The following TTC6 variants were observed in gnomAD, a reference collection of about 807,000 sequenced individuals.
TTC6 encodes tetratricopeptide repeat domain 6.
TTC6 carries 172 observed loss-of-function variants against 210.4 expected under a neutral mutation model. That is an observed-to-expected ratio of 0.82 (90% CI 0.72 to 0.93). TTC6 has a LOEUF of 0.93. Among genes scored for constraint, TTC6 ranks in the 40% least tolerant of loss-of-function variants. The pLI is 0.00. For missense variants in TTC6, 2,414 were observed against 2,318.1 expected, an observed-to-expected ratio of 1.04 and a Z score of -0.85; for synonymous variants, 804 against 819.6, an observed-to-expected ratio of 0.98 and a Z score of 0.32.
intron 14 of TTC6, among the ~76,000 whole-genome samples, chr14:37,784,765 G>A (rs1296280146): frequency 6.6e-6 from 1 of 152,136 alleles, no homozygotes; most frequent in Non-Finnish European, 1.5e-5. Context: ...GGTACTGGTT[G>A]TTCATATCCA....
intron 12 of TTC6, 133 bp from the exon 15 acceptor site, chr14:37,750,920 A>C (rs1307272646): frequency 2.0e-6 from 1 of 498,236 alleles, no homozygotes; most frequent in Non-Finnish European, 3.3e-6. Flanking sequence ...ATAAAATAAG[A>C]TAAACTAATA....
chr14:37,701,340 A>G, exon 5 of TTC6: 1 of 1,403,670 alleles, frequency 7.1e-7, no homozygotes. Context: ...AGAATTCCAC[A>G]AGACTACTCC....
At chr14:37,767,737 C>A in intron 14 of TTC6, among the ~76,000 whole-genome samples, 1 of 151,528 alleles carries the variant, frequency 6.6e-6, no homozygotes, top group South Asian at 2.1e-4. Context: ...AAATTTTCTC[C>A]CATTTTGTAG....
chr14:37,631,941 G>A (rs538063860), intron 1 of TTC6, among the ~76,000 whole-genome samples: 4 of 152,060 alleles, frequency 2.6e-5, no homozygotes, highest in Admixed American at 6.5e-5. Context: ...TGAAGTTCTC[G>A]TGTTATGTTT....
intron 1 of TTC6, among the ~76,000 whole-genome samples, chr14:37,640,823 A>G (rs776491102): frequency 1.3e-5 from 2 of 152,224 alleles, no homozygotes; most frequent in Admixed American, 6.5e-5. Flanking sequence ...AATTACAGGC[A>G]TGAGCCATCG....
chr14:37,736,042 G>C, intron 8 of TTC6, 32 bp downstream of exon 10: 1 of 1,143,636 alleles, frequency 8.7e-7, no homozygotes, highest in Non-Finnish European at 1.3e-6. Context: ...AATTAGGATT[G>C]TTTACTCTAT....
chr14:37,642,526 A>G (rs1196880833), intron 1 of TTC6, among the ~76,000 whole-genome samples: 4 of 152,150 alleles, frequency 2.6e-5, no homozygotes, highest in African/African-American at 9.7e-5. Context: ...TAATCTTCTT[A>G]GCTTTATTAT....
chr14:37,618,226 T>C (rs1244086477), upstream of TTC6, among the ~76,000 whole-genome samples: 6 of 152,230 alleles, frequency 3.9e-5, no homozygotes, highest in Non-Finnish European at 7.3e-5. Context: ...CAGCCCTGCC[T>C]GAGTCTTTAG....
At chr14:37,787,753 C>CTTA in intron 15 of TTC6, 116 bp downstream of exon 17, 1 of 687,466 alleles carries the variant, frequency 1.5e-6, no homozygotes, top group Non-Finnish European at 2.1e-6. Context: ...CTACTATATA[C>CTTA]TAATATACAT....
chr14:37,693,725 A>G (rs1031579464), intron 3 of TTC6, among the ~76,000 whole-genome samples: 1 of 152,198 alleles, frequency 6.6e-6, no homozygotes, highest in African/African-American at 2.4e-5. Context: ...CCAAAACAGC[A>G]TGGTACTGGC....
intron 14 of TTC6, among the ~76,000 whole-genome samples, chr14:37,778,795 C>A (rs78673529): frequency 1.1e-4 from 17 of 152,148 alleles, no homozygotes; most frequent in Admixed American, 2.0e-4. Flanking sequence ...GTGTGGCCAC[C>A]CTGGGGTCCT....
chr14:37,622,588 C>T, exon 1 of TTC6: 1 of 1,534,328 alleles, frequency 6.5e-7, no homozygotes, highest in African/African-American at 1.4e-5. Context: ...CACGCGGCTC[C>T]CAGGCGGGTC....
In TTC6 at chr14:37,792,283, G is replaced by A. The variant is rs531053557; in HGVS notation, c.3577G>A (p.Val1193Ile). The change falls in exon 17 of 31, where the codon GTA becomes ATA. Residue 1193 changes from valine (V) to isoleucine (I), a missense_variant. Physicochemically the swap from Val to Ile is conservative, Grantham distance 29. Transcript: ENST00000553443. ...TTTTAGAACTATTACTTTGGCTTAT[G>A]TAAATATTGGCCTCATACATCTGCT... The A allele has an allele frequency of 4.3e-4, 653 of 1,514,506 alleles. 1 individual carries two copies. In the African/African-American group the frequency reaches 5.7e-3, roughly 13 times the overall value. The allele number at this position is 1,514,506 out of a possible 1,614,324, so 93.8% of individuals were successfully genotyped here. A position where few individuals can be genotyped will look rare whatever the true frequency, so the allele number is the denominator to read the frequency against.
intron 2 of TTC6, among the ~76,000 whole-genome samples, chr14:37,613,322 C>T (rs1438368856): frequency 1.3e-5 from 2 of 151,988 alleles, no homozygotes; most frequent in East Asian, 3.9e-4. Context: ...AATTTTTCAA[C>T]CCTTGGATAA....
chr14:37,698,520 T>C (rs1388651344), intron 4 of TTC6, among the ~76,000 whole-genome samples: 2 of 152,136 alleles, frequency 1.3e-5, no homozygotes, highest in African/African-American at 4.8e-5. Flanking sequence ...AAAAGCCCTT[T>C]GTTAGGAGCC....
At chr14:37,747,177 A>G (rs183372853) in intron 10 of TTC6, among the ~76,000 whole-genome samples, 15 of 152,268 alleles carry the variant, frequency 9.9e-5, no homozygotes, top group African/African-American at 4.8e-5. Flanking sequence ...ACAAATTTTT[A>G]TACCACCACA....
Position 37,813,694 on chromosome 14 carries a change from C to T in TTC6, c.4689+1261C>T, listed in dbSNP as rs116240701. ...GAACTCACTCGATTCCAAATTCTGTCTTCTTTCAGGCAAAGCGCTGGCGTT... is the reference window on the plus strand; with the variant it reads ...GAACTCACTCGATTCCAAATTCTGTTTTCTTTCAGGCAAAGCGCTGGCGTT... On this transcript the variant is annotated intron_variant, in intron 25 of 30. Transcript: ENST00000553443. Among the ~76,000 whole-genome samples, 792 of 152,196 alleles carry T rather than the reference C, an allele frequency of 5.2e-3. 5 individuals carry two copies. The highest frequency in any genetic ancestry group is 0.018 in the African/African-American group (739 of 41,504).
chr14:37,696,254 C>T (rs1424503559), intron 3 of TTC6, among the ~76,000 whole-genome samples: 1 of 151,972 alleles, frequency 6.6e-6, no homozygotes, highest in Admixed American at 6.6e-5. Context: ...ATAGAGAAAC[C>T]CACAGAGAAA....
At chr14:37,813,084 A>G (rs1016734879) in intron 25 of TTC6, among the ~76,000 whole-genome samples, 1 of 152,198 alleles carries the variant, frequency 6.6e-6, no homozygotes, top group African/African-American at 2.4e-5. Context: ...ATATATAGTT[A>G]AATAATAACA....
Sources: gnomAD v4.1 joint callset for allele counts (sites outside exome capture counted in the v4.1 genomes callset) on GRCh38, gnomAD v4.1.1 for gene constraint, MANE v1.5 for transcripts, NCBI Gene and HGNC (gene_info 2026-07-23, HGNC 2026-07-21) for gene names.